The following MLF1 variants were observed in gnomAD, a reference collection of about 807,000 sequenced individuals.
The protein encoded by MLF1 is myelodysplasia-myeloid leukemia factor 1.
In MLF1, 37 loss-of-function variants were observed where a neutral mutation model predicts 38.3. The ratio of observed to expected loss-of-function variants is 0.96; its 90% CI spans 0.74 to 1.27. The LOEUF (loss-of-function observed/expected upper bound fraction) is 1.27. MLF1 is among the 50% of genes most tolerant of loss of function. The pLI is 0.00. For synonymous variants in MLF1, 95 were observed against 106.5 expected, an observed-to-expected ratio of 0.89 and a Z score of 0.66; for missense variants, 331 against 349.2, an observed-to-expected ratio of 0.95 and a Z score of 0.42.
At chr3:158,582,844 G>T (rs1489508617) in intron 1 of MLF1, 1 of 677,978 alleles carries the variant, frequency 1.5e-6, no homozygotes, top group African/African-American at 1.8e-5. Context: ...AATGTTAAAA[G>T]AAGTTCTTCA....
chr3:158,598,296 C>A, intron 5 of MLF1, 88 bp downstream of exon 5: 1 of 1,168,856 alleles, frequency 8.6e-7, no homozygotes, highest in Non-Finnish European at 1.2e-6. Context: ...AAAATTTAAT[C>A]TGGTACAAGA....
chr3:158,587,275 G>C (rs1485623860), intron 1 of MLF1, among the ~76,000 whole-genome samples: 1 of 152,200 alleles, frequency 6.6e-6, no homozygotes, highest in Non-Finnish European at 1.5e-5. Context: ...TAAAATTGGA[G>C]AAAGCATGTC....
At chr3:158,597,379 T>C (rs1203436676) in intron 4 of MLF1, among the ~76,000 whole-genome samples, 1 of 152,164 alleles carries the variant, frequency 6.6e-6, no homozygotes, top group African/African-American at 2.4e-5. Flanking sequence ...TAAAAGGATT[T>C]GTAGCATCTG....
At chr3:158,589,445 C>T (rs1020065635) in intron 1 of MLF1, among the ~76,000 whole-genome samples, 5 of 151,884 alleles carry the variant, frequency 3.3e-5, no homozygotes, top group Admixed American at 2.0e-4. Context: ...CTCTTGACTT[C>T]GTGATCCACC....
At position 158,589,783 on chromosome 3, in the gene MLF1, G is replaced by T. The variant is rs372721633; in HGVS notation, c.48-2651G>T. Among the ~76,000 whole-genome samples the T allele has an allele frequency of 5.9e-5, 9 of 152,234 alleles. 1 individual carries two copies. Among genetic ancestry groups the T allele is most frequent in the East Asian group, 3.9e-4 (2 of 5,186 alleles). ...TCCCTGGGCTAAAATCAAGGTGTTGGCAGGGCTACATTCCTTCTGGAGTTT... is the reference window on the plus strand; with the variant it reads ...TCCCTGGGCTAAAATCAAGGTGTTGTCAGGGCTACATTCCTTCTGGAGTTT... On this transcript the variant is annotated intron_variant, in intron 1 of 7. Coordinates refer to ENST00000466246, the MANE Select transcript of MLF1 (RefSeq NM_001369783.1).
At chr3:158,595,888 C>T (rs1718802753) in intron 3 of MLF1, among the ~76,000 whole-genome samples, 1 of 152,128 alleles carries the variant, frequency 6.6e-6, no homozygotes, top group Non-Finnish European at 1.5e-5. Context: ...GATTTACTGG[C>T]TAACACATTG....
intron 1 of MLF1, among the ~76,000 whole-genome samples, chr3:158,590,068 G>A (rs893457112): frequency 2.6e-5 from 4 of 152,196 alleles, no homozygotes; most frequent in Non-Finnish European, 2.9e-5. Context: ...TCATGGTTGT[G>A]TGGCTGAATA....
chr3:158,583,128 C>T (rs533570479), intron 1 of MLF1, among the ~76,000 whole-genome samples: 1 of 152,274 alleles, frequency 6.6e-6, no homozygotes, highest in East Asian at 1.9e-4. Flanking sequence ...GTTCTTTTCT[C>T]CTTTGTGTTG....
intron 3 of MLF1, among the ~76,000 whole-genome samples, chr3:158,594,357 A>G (rs998608162): frequency 5.9e-5 from 9 of 152,178 alleles, no homozygotes; most frequent in Non-Finnish European, 1.3e-4. Context: ...AGCATGTGCA[A>G]AGACCTGCAG....
chr3:158,572,480 TA>T (rs1336462217), intron 1 of MLF1, among the ~76,000 whole-genome samples: 2 of 76,010 alleles, frequency 2.6e-5, no homozygotes, highest in Non-Finnish European at 5.1e-5. Flanking sequence ...GAGGAGGATT[TA>T]GGGGCTGAGG....
intron 1 of MLF1, among the ~76,000 whole-genome samples, chr3:158,577,391 G>T (rs748378748): frequency 1.3e-5 from 2 of 152,164 alleles, no homozygotes; most frequent in Non-Finnish European, 2.9e-5. Context: ...CTGCCAAATT[G>T]TCATAGCTTG....
At chr3:158,597,160 C>G (rs992982951) in intron 4 of MLF1, among the ~76,000 whole-genome samples, 1 of 151,904 alleles carries the variant, frequency 6.6e-6, no homozygotes, top group Admixed American at 6.6e-5. Flanking sequence ...CAGTTATTTT[C>G]TAGTCTATTT....
intron 5 of MLF1, among the ~76,000 whole-genome samples, chr3:158,598,531 T>A (rs1322928782): frequency 6.6e-6 from 1 of 151,400 alleles, no homozygotes; most frequent in African/African-American, 2.4e-5. Flanking sequence ...TTTCATGAAA[T>A]TAATGTCTAT....
At chr3:158,599,958 T>G in intron 5 of MLF1, 56 bp from the exon 6 acceptor site, 1 of 833,172 alleles carries the variant, frequency 1.2e-6, no homozygotes, top group Non-Finnish European at 1.6e-6. Flanking sequence ...AAGCTGGCCC[T>G]GAGATATACA....
At chr3:158,585,498 A>G (rs1270785087) in intron 1 of MLF1, among the ~76,000 whole-genome samples, 1 of 152,224 alleles carries the variant, frequency 6.6e-6, no homozygotes, top group African/African-American at 2.4e-5. Context: ...GTATTCCTCT[A>G]TAGCAACACA....
At chr3:158,604,460 T>G (rs1444754791) in intron 7 of MLF1, among the ~76,000 whole-genome samples, 2 of 152,226 alleles carry the variant, frequency 1.3e-5, no homozygotes, top group African/African-American at 2.4e-5. Context: ...TTGATTCACA[T>G]TTGAAGCATT....
intron 1 of MLF1, among the ~76,000 whole-genome samples, chr3:158,587,655 A>G (rs1717436040): frequency 6.6e-6 from 1 of 152,202 alleles, no homozygotes; most frequent in African/African-American, 2.4e-5. Flanking sequence ...TTTCTAATAA[A>G]CAGAATACAA....
At position 158,602,923 on chromosome 3, in the gene MLF1, C is replaced by A; in HGVS notation, c.730C>A (p.Arg244=). Residue 244 remains arginine, a synonymous_variant, in exon 7 of 8, where the codon CGA becomes AGA. Transcript: ENST00000466246. ...RSVGHENPGS[R]ELKRREKPQQ... Reference sequence around the variant, plus strand: ...TGTTGGCCATGAGAATCCTGGCTCCCGAGAACTTAAAAGAAGGTAAAAGTT... The same window carrying A: ...TGTTGGCCATGAGAATCCTGGCTCCAGAGAACTTAAAAGAAGGTAAAAGTT... 2 of 1,610,422 alleles carry A rather than the reference C, an allele frequency of 1.2e-6. No individual in the cohort carries two copies. The highest frequency in any genetic ancestry group is 1.1e-5 in the South Asian group (1 of 90,552).
Position 158,605,995 on chromosome 3 carries a change from G to T in MLF1, c.*793G>T. On this transcript the variant is annotated 3_prime_UTR_variant, in exon 8 of 8. Transcript: ENST00000466246. ...ACATTCTGAAGCTGGAGAGTCCTTG[G>T]AGAAACTCTGCTCAGCTTTTTTGTG... 1 of 183,688 alleles carries T rather than the reference G, an allele frequency of 5.4e-6. No homozygotes were observed. Among genetic ancestry groups the T allele is most frequent in the East Asian group, 8.9e-5 (1 of 11,266 alleles). The allele number at this position is 183,688 out of a possible 1,614,324, so 11.4% of individuals were successfully genotyped here. A position where few individuals can be genotyped will look rare whatever the true frequency, so the allele number is the denominator to read the frequency against.
Sources: allele counts gnomAD v4.1 joint callset (sites outside exome capture counted in the v4.1 genomes callset), GRCh38; gene constraint gnomAD v4.1.1; transcripts MANE v1.5; gene names NCBI Gene and HGNC (gene_info 2026-07-23, HGNC 2026-07-21).